DLG3: variants seen among roughly 807,000 people sequenced by gnomAD.
DLG3 encodes discs large MAGUK scaffold protein 3, also known as disks large homolog 3.
DLG3 carries 1 observed loss-of-function variant against 64.1 expected under a neutral mutation model. That is an observed-to-expected ratio of 0.02 (90% CI 0.01 to 0.07). DLG3 has a LOEUF of 0.07. DLG3 is among the 10% of genes least tolerant of loss of function. The pLI, the probability that DLG3 is intolerant of heterozygous loss-of-function variation, is 1.00. For missense variants in DLG3, 429 were observed against 669.5 expected, an observed-to-expected ratio of 0.64 and a Z score of 3.96; for synonymous variants, 245 against 259.8, an observed-to-expected ratio of 0.94 and a Z score of 0.55.
intron 7 of DLG3, 66 bp downstream of exon 7, chrX:70,452,092 C>T: frequency 8.5e-7 from 1 of 1,173,446 alleles, no homozygotes; most frequent in South Asian, 1.8e-5. Context: ...GAATCCGTTT[C>T]TGGCCGGCCA....
rs753629685 is a variant in DLG3 at position 70,460,207 on chromosome X, C to T, written c.1405+5891C>T. 1.4e-4 allele frequency among the ~76,000 whole-genome samples: 14 copies of T among 103,251 alleles called. No individual in the cohort carries two copies. The East Asian group carries it at 3.8e-3, about 28-fold the overall frequency. The allele number at this position is 103,251 out of a possible 115,157, so 89.7% of individuals were successfully genotyped here. A position where few individuals can be genotyped will look rare whatever the true frequency, so the allele number is the denominator to read the frequency against. On this transcript the variant is annotated intron_variant, in intron 9 of 18. Coordinates refer to ENST00000374360, the MANE Select transcript of DLG3 (RefSeq NM_021120.4). ...CTGAGGCAGGAGAATCGCTTGAACCCGGGAGGTGGAGGTTGCAGTGAGCTG... is the reference window on the plus strand; with the variant it reads ...CTGAGGCAGGAGAATCGCTTGAACCTGGGAGGTGGAGGTTGCAGTGAGCTG...
intron 1 of DLG3, 195 bp from the exon 2 acceptor site, chrX:70,448,718 C>A: frequency 9.7e-7 from 1 of 1,027,437 alleles, no homozygotes; most frequent in Non-Finnish European, 1.3e-6. Flanking sequence ...TGGTTGGAAG[C>A]AAAGCAGGGA....
rs768549211 is a variant in DLG3, at chrX:70,450,801, C to T, written c.985+18C>T. ...CGCCAGCAGTACGTACTCATCAGCC[C>T]CTGTCCCTGGTCTAAAGCTCTGTCC... is the stretch of plus-strand genomic sequence containing the variant. On this transcript the variant is annotated intron_variant, in intron 6 of 18. Transcript: ENST00000374360. The T allele has an allele frequency of 8.3e-7, 1 of 1,211,482 alleles. No homozygotes were observed.
intron 10 of DLG3, among the ~76,000 whole-genome samples, chrX:70,482,756 C>T (rs959232875): frequency 4.1e-5 from 4 of 97,735 alleles, no homozygotes; most frequent in Non-Finnish European, 6.0e-5. Flanking sequence ...CTACAAGCTC[C>T]GCCTCCTGGG....
Position 70,470,631 on chromosome X carries a change from C to T in DLG3, c.1406-8519C>T, listed in dbSNP as rs183671227. Among the ~76,000 whole-genome samples, 19 of 112,189 alleles carry T rather than the reference C, an allele frequency of 1.7e-4. No individual in the cohort carries two copies. In the Admixed American group the frequency reaches 1.7e-3, roughly 10 times the overall value. ...TCTGTACTATATGCAGAATAAATAT[C>T]GTCTGTTGCTACCACTTGTTTCCTG... On this transcript the variant is annotated intron_variant, in intron 9 of 18. Coordinates refer to ENST00000374360, the MANE Select transcript of DLG3 (RefSeq NM_021120.4).
intron 9 of DLG3, among the ~76,000 whole-genome samples, chrX:70,473,312 T>C (rs2087002645): frequency 9.0e-6 from 1 of 110,879 alleles, no homozygotes; most frequent in Non-Finnish European, 1.9e-5. Flanking sequence ...ATGCTGTTCC[T>C]TCTGTCTGGA....
intron 10 of DLG3, among the ~76,000 whole-genome samples, chrX:70,489,320 C>A (rs751832529): frequency 9.0e-6 from 1 of 110,895 alleles, no homozygotes; most frequent in African/African-American, 3.3e-5. Flanking sequence ...GTTTTGTTTT[C>A]GAGATGGAGT....
chrX:70,453,595 CA>C (rs2086652358), intron 7 of DLG3, 41 bp from the exon 8 acceptor site: 1 of 1,199,030 alleles, frequency 8.3e-7, no homozygotes, highest in Non-Finnish European at 1.1e-6. Flanking sequence ...GACAACAGTC[CA>C]TATCTACCTA....
At chrX:70,502,024 CTCCTGGGAACATG>C (rs2087572862) in intron 18 of DLG3, 126 bp from the exon 19 acceptor site, 2 of 520,652 alleles carry the variant, frequency 3.8e-6, no homozygotes, top group Middle Eastern at 3.6e-4. Context: ...CAAACCCATA[CTCCTGGGAACATG>C]TCCTTCATGT....
At position 70,479,104 on chromosome X, in the gene DLG3, C is replaced by G. The variant is rs758977949; in HGVS notation, c.1406-46C>G. ...GCTGGCATGCAAGCTCAGAGGCGCTCCTTGAGTTCATTCTTTTCCCATCTT... is the reference window on the plus strand; with the variant it reads ...GCTGGCATGCAAGCTCAGAGGCGCTGCTTGAGTTCATTCTTTTCCCATCTT... On this transcript the variant is annotated intron_variant, in intron 9 of 18. Coordinates refer to ENST00000374360, the MANE Select transcript of DLG3 (RefSeq NM_021120.4). 3 of 1,130,289 alleles carry G rather than the reference C, an allele frequency of 2.7e-6. No individual in the cohort carries two copies. In the African/African-American group the frequency reaches 5.3e-5, roughly 20 times the overall value. The allele number at this position is 1,130,289 out of a possible 1,213,427, so 93.1% of individuals were successfully genotyped here.
intron 10 of DLG3, among the ~76,000 whole-genome samples, chrX:70,489,663 T>C (rs755845936): frequency 2.7e-5 from 3 of 111,476 alleles, no homozygotes; most frequent in Non-Finnish European, 3.8e-5. Context: ...TTACAAACAG[T>C]TGGATTCCCG....
intron 9 of DLG3, among the ~76,000 whole-genome samples, chrX:70,454,836 C>T (rs140323173): frequency 0.026 from 2,915 of 112,881 alleles, 36 homozygotes; most frequent in Non-Finnish European, 0.035. Flanking sequence ...CAACTGGAGT[C>T]GACTCCCTCC....
Position 70,452,038 on chromosome X carries a change from C to A in DLG3, c.1145+12C>A. The A allele has an allele frequency of 8.3e-7, 1 of 1,208,636 alleles. No homozygotes were observed. On this transcript the variant is annotated intron_variant, in intron 7 of 18. Coordinates refer to ENST00000374360, the MANE Select transcript of DLG3 (RefSeq NM_021120.4). ...GAGGACTTCACCAGGTAAGACCCCG[C>A]CCCCAACATCCCATTCAATCTACCC...
Position 70,447,220 on chromosome X carries a change from G to A in DLG3, c.357+1662G>A, listed in dbSNP as rs756674729. Reference sequence around the variant, plus strand: ...TGAGTAGGGGTGGGGGCTAGAGCGTGGACCACTGGGAACGGGAAGCCTCTG... The same window carrying A: ...TGAGTAGGGGTGGGGGCTAGAGCGTAGACCACTGGGAACGGGAAGCCTCTG... On this transcript the variant is annotated intron_variant, in intron 1 of 18. Coordinates refer to ENST00000374360, the MANE Select transcript of DLG3 (RefSeq NM_021120.4). 5.4e-5 allele frequency among the ~76,000 whole-genome samples: 6 copies of A among 111,501 alleles called. No individual in the cohort carries two copies. The East Asian group carries it at 1.7e-3, about 32-fold the overall frequency.
chrX:70,449,263 G>T (rs1166263724), intron 2 of DLG3, 96 bp from the exon 3 acceptor site: 1 of 1,142,527 alleles, frequency 8.8e-7, no homozygotes, highest in Non-Finnish European at 1.2e-6. Flanking sequence ...GAGGCCTGGA[G>T]AACTAGCTCT....
Position 70,445,528 on chromosome X carries a change from C to T in DLG3, c.327C>T (p.Cys109=). Residue 109 remains cysteine (C), a synonymous_variant, in exon 1 of 19, where the codon TGC becomes TGT. Transcript: ENST00000374360. The part of the protein sequence containing the change: ...NGSGPSWWPE[C]TCTNRDWYEQ... ...GCGGCCCCAGCTGGTGGCCAGAGTG[C>T]ACCTGTACCAACCGGGACTGGTATG... The T allele has an allele frequency of 8.4e-7, 1 of 1,186,460 alleles. No individual in the cohort carries two copies. The highest frequency in any genetic ancestry group is 3.1e-5 in the East Asian group (1 of 32,473).
chrX:70,462,098 A>G (rs1327666529), intron 9 of DLG3, among the ~76,000 whole-genome samples: 2 of 87,883 alleles, frequency 2.3e-5, no homozygotes, highest in Non-Finnish European at 4.2e-5. Context: ...CTGTTTTCAT[A>G]AAGTTGCCTC....
chrX:70,484,294 T>C (rs902588195), intron 10 of DLG3, among the ~76,000 whole-genome samples: 3 of 111,791 alleles, frequency 2.7e-5, no homozygotes, highest in African/African-American at 9.8e-5. Context: ...AAGGAAATCA[T>C]GTTAGAGCAT....
At chrX:70,448,616 C>A (rs1569268311) in intron 1 of DLG3, 2 of 1,165,792 alleles carry the variant, frequency 1.7e-6, no homozygotes, top group East Asian at 3.2e-5. Context: ...CCCTGAGACA[C>A]TGAAGCACAG....
Sources: allele counts gnomAD v4.1 joint callset (sites outside exome capture counted in the v4.1 genomes callset), GRCh38; gene constraint gnomAD v4.1.1; transcripts MANE v1.5; gene names NCBI Gene and HGNC (gene_info 2026-07-23, HGNC 2026-07-21).